The following PCDHGA6 variants were observed in gnomAD, a reference collection of about 807,000 sequenced individuals.
The protein encoded by PCDHGA6 is protocadherin gamma-A6.
Under a neutral mutation model 60.6 loss-of-function variants are expected in PCDHGA6, and 41 were observed. That is an observed-to-expected ratio of 0.68 (90% CI 0.53 to 0.88). The LOEUF is 0.88. PCDHGA6 is among the 40% of genes least tolerant of loss of function. The probability of loss-of-function intolerance (pLI) is 0.00; values close to 1 mark genes in which losing one functional copy is unlikely to be tolerated. For missense variants in PCDHGA6, 1,312 were observed against 1,203.0 expected, an observed-to-expected ratio of 1.09 and a Z score of -1.34; for synonymous variants, 594 against 524.4, an observed-to-expected ratio of 1.13 and a Z score of -1.81.
At chr5:141,423,659 A>G in intron 1 of PCDHGA6, 2 of 1,551,038 alleles carry the variant, frequency 1.3e-6, no homozygotes, top group Non-Finnish European at 1.7e-6. Flanking sequence ...ACAAGTAATC[A>G]GGTGAGATTT....
At chr5:141,508,841 C>G (rs969875150) in intron 3 of PCDHGA6, among the ~76,000 whole-genome samples, 1 of 152,140 alleles carries the variant, frequency 6.6e-6, no homozygotes, top group Admixed American at 6.5e-5. Flanking sequence ...TCCCCTACCC[C>G]TTCCATTCCC....
At chr5:141,417,712 C>T in intron 1 of PCDHGA6, 1 of 1,270,436 alleles carries the variant, frequency 7.9e-7, no homozygotes, top group Non-Finnish European at 1.1e-6. Context: ...ACAGAGGCTC[C>T]CGGCTGCGCA....
intron 1 of PCDHGA6, among the ~76,000 whole-genome samples, chr5:141,463,505 G>A (rs1213601894): frequency 7.3e-6 from 1 of 137,472 alleles, no homozygotes; most frequent in Non-Finnish European, 1.5e-5. Flanking sequence ...CTGGAGTGAC[G>A]TGGCGTGATC....
intron 1 of PCDHGA6, among the ~76,000 whole-genome samples, chr5:141,452,388 A>G (rs892688242): frequency 3.9e-5 from 6 of 152,210 alleles, no homozygotes; most frequent in Non-Finnish European, 5.9e-5. Flanking sequence ...TAGTATTTAG[A>G]AACTAAGATC....
chr5:141,509,081 A>C (rs1279221589), intron 3 of PCDHGA6, among the ~76,000 whole-genome samples: 2 of 152,160 alleles, frequency 1.3e-5, no homozygotes, highest in Non-Finnish European at 2.9e-5. Flanking sequence ...GATTTGCGAC[A>C]TGAAATGGGG....
At chr5:141,408,192 C>A (rs2095055859) in intron 1 of PCDHGA6, 1 of 1,545,004 alleles carries the variant, frequency 6.5e-7, no homozygotes, top group South Asian at 1.2e-5. Flanking sequence ...CAGCGAGAAC[C>A]CGAGCGAACG....
chr5:141,473,017 A>AGAAG (rs1484773075), intron 1 of PCDHGA6, among the ~76,000 whole-genome samples: 3 of 151,764 alleles, frequency 2.0e-5, no homozygotes, highest in African/African-American at 4.8e-5. Flanking sequence ...AGAAAAAGAA[A>AGAAG]GAAGGAAGGA....
intron 2 of PCDHGA6, among the ~76,000 whole-genome samples, chr5:141,500,774 A>G (rs1479931234): frequency 6.6e-6 from 1 of 152,188 alleles, no homozygotes; most frequent in Non-Finnish European, 1.5e-5. Context: ...TCTTATGAAT[A>G]TACATATTAT....
chr5:141,389,094 A>G (rs2091600869), intron 1 of PCDHGA6: 4 of 1,613,928 alleles, frequency 2.5e-6, no homozygotes, highest in Admixed American at 1.7e-5. Flanking sequence ...TAAATTAGTG[A>G]CAGATGCTGT....
chr5:141,471,730 G>A (rs535784858), intron 1 of PCDHGA6, among the ~76,000 whole-genome samples: 1 of 152,292 alleles, frequency 6.6e-6, no homozygotes, highest in East Asian at 1.9e-4. Context: ...GGTAAGGAAG[G>A]TTGGAGACAT....
chr5:141,427,361 A>ACC (rs781206288), intron 1 of PCDHGA6: 1 of 457,772 alleles, frequency 2.2e-6, no homozygotes, highest in South Asian at 1.5e-5. Context: ...AGGACGCAGA[A>ACC]CCCTGGACGG....
chr5:141,432,919 C>T lies in PCDHGA6; in HGVS notation c.2424+56412C>T. ...TGGCGCTCAGGCTGCGGCGCTGGCACAAGTCACGCCTGCTGCAGGCTTCAG... is the reference window on the plus strand; with the variant it reads ...TGGCGCTCAGGCTGCGGCGCTGGCATAAGTCACGCCTGCTGCAGGCTTCAG... On this transcript the variant is annotated intron_variant, in intron 1 of 3. Coordinates refer to ENST00000517434, the MANE Select transcript of PCDHGA6 (RefSeq NM_018919.3). The surrounding 1 kb of genome is among the most constrained non-coding windows in gnomAD (Gnocchi z 6.0). The T allele has an allele frequency of 2.5e-6, 4 of 1,614,210 alleles. No individual in the cohort carries two copies. Among genetic ancestry groups the T allele is most frequent in the Non-Finnish European group, 3.4e-6 (4 of 1,180,040 alleles).
At position 141,486,709 on chromosome 5, in the gene PCDHGA6, C is replaced by T; in HGVS notation, c.2425-8098C>T. 6.2e-7 allele frequency: 1 copy of T among 1,614,182 alleles called. No individual in the cohort carries two copies. ...CTTCCTCTTTCATCTCTCTGAACCC[C>T]CAGACAGGAGCTGTTCATGCTACTC... On this transcript the variant is annotated intron_variant, in intron 1 of 3. Coordinates refer to ENST00000517434, the MANE Select transcript of PCDHGA6 (RefSeq NM_018919.3). This position sits in a 1 kb window ranked among gnomAD's most constrained non-coding sequence, Gnocchi z 5.0.
intron 1 of PCDHGA6, among the ~76,000 whole-genome samples, chr5:141,425,551 T>C (rs1472337722): frequency 1.3e-5 from 2 of 152,270 alleles, no homozygotes. Context: ...CAGAAACCTC[T>C]TTTATAAGTG....
At chr5:141,413,124 AAC>A in intron 1 of PCDHGA6, 2 of 1,528,020 alleles carry the variant, frequency 1.3e-6, no homozygotes, top group Non-Finnish European at 1.8e-6. Flanking sequence ...AACCGGTTGA[AAC>A]ACACAACGTG....
intron 3 of PCDHGA6, among the ~76,000 whole-genome samples, chr5:141,510,166 A>G (rs1280391099): frequency 6.6e-6 from 1 of 151,872 alleles, no homozygotes; most frequent in African/African-American, 2.4e-5. Flanking sequence ...TCAGCTACTC[A>G]GGAGGTTGAG....
intron 2 of PCDHGA6, among the ~76,000 whole-genome samples, chr5:141,500,035 CTT>C: frequency 6.6e-6 from 1 of 152,100 alleles, no homozygotes; most frequent in East Asian, 1.9e-4. Flanking sequence ...GTGAGTGTCT[CTT>C]AAGTATCTTA....
chr5:141,460,669 TTATATATC>T (rs1176483278), intron 1 of PCDHGA6, among the ~76,000 whole-genome samples: 1 of 152,032 alleles, frequency 6.6e-6, no homozygotes, highest in African/African-American at 2.4e-5. Flanking sequence ...GTAAACACAG[TTATATATC>T]TATATATCCA....
At chr5:141,427,889 G>C in intron 1 of PCDHGA6, 1 of 1,566,516 alleles carries the variant, frequency 6.4e-7, no homozygotes, top group South Asian at 1.1e-5. Flanking sequence ...CCCACGACCA[G>C]GGCTCGCCCG....
Sources: gnomAD v4.1 joint callset for allele counts (sites outside exome capture counted in the v4.1 genomes callset) on GRCh38, gnomAD v4.1.1 for gene constraint, Gnocchi (gnomAD v3.1) non-coding constraint, MANE v1.5 for transcripts, NCBI Gene and HGNC (gene_info 2026-07-23, HGNC 2026-07-21) for gene names.